The following U2AF2 variants were observed in gnomAD, a reference collection of about 807,000 sequenced individuals.
U2AF2 encodes the protein U2 small nuclear RNA auxiliary factor 2.
Under a neutral mutation model 52.6 loss-of-function variants are expected in U2AF2, and 6 were observed. The observed-to-expected ratio is 0.11, with a 90% CI of 0.06 to 0.23. U2AF2 has a LOEUF of 0.23. Among genes scored for constraint, U2AF2 ranks in the 10% least tolerant of loss-of-function variants. U2AF2 has a pLI of 1.00. For missense variants in U2AF2, 222 were observed against 677.1 expected, an observed-to-expected ratio of 0.33 and a Z score of 7.46; for synonymous variants, 284 against 258.2, an observed-to-expected ratio of 1.10 and a Z score of -0.96.
At chr19:55,656,325 G>A (rs187664660) in intron 1 of U2AF2, among the ~76,000 whole-genome samples, 589 of 152,324 alleles carry the variant, frequency 3.9e-3, no homozygotes, top group Middle Eastern at 6.8e-3. Context: ...CTAGAGTTGG[G>A]TAGGGGCTGT....
At chr19:55,661,311 C>T (rs964176536) in intron 5 of U2AF2, 122 bp downstream of exon 5, 8 of 1,137,580 alleles carry the variant, frequency 7.0e-6, no homozygotes, top group African/African-American at 4.8e-5. Flanking sequence ...CCCCCCGGCC[C>T]CCTCCCAGAC....
chr19:55,655,466 T>C (rs1483526220), intron 1 of U2AF2, among the ~76,000 whole-genome samples: 2 of 152,264 alleles, frequency 1.3e-5, no homozygotes, highest in African/African-American at 4.8e-5. Context: ...CGTGAACTTT[T>C]GTTTTTTAAA....
rs758476542 is a variant in U2AF2, at chr19:55,663,683, C to T, written c.681C>T (p.Arg227=). The change falls in exon 7 of 12, where the codon CGC becomes CGT. Residue 227 remains arginine, a synonymous_variant. Transcript: ENST00000308924. ...TCCAGGGCCAGTCACTAAAGATCCG[C>T]AGGCCTCACGACTACCAGCCGCTTC... is the stretch of plus-strand genomic sequence containing the variant. ...IIFQGQSLKI[R]RPHDYQPLPG... The T allele has an allele frequency of 1.2e-6, 2 of 1,614,180 alleles. No individual in the cohort carries two copies. Among genetic ancestry groups the T allele is most frequent in the Non-Finnish European group, 1.7e-6 (2 of 1,180,036 alleles).
In U2AF2 at chr19:55,674,500, C is replaced by T. The variant is rs572334661; in HGVS notation, c.*432C>T. Reference sequence around the variant, plus strand: ...GAATTTTGTTGTCCGGCCCTCAGTGCCCTGCCCTCTCCCTTACCAGGACCA... The same window carrying T: ...GAATTTTGTTGTCCGGCCCTCAGTGTCCTGCCCTCTCCCTTACCAGGACCA... On this transcript the variant is annotated 3_prime_UTR_variant, in exon 12 of 12. Coordinates refer to ENST00000308924, the MANE Select transcript of U2AF2 (RefSeq NM_007279.3). 568 of 165,104 alleles carry T rather than the reference C, an allele frequency of 3.4e-3. 6 individuals carry two copies. The highest frequency in any genetic ancestry group is 0.013 in the African/African-American group (545 of 41,754). The allele number at this position is 165,104 out of a possible 1,614,324, so 10.2% of individuals were successfully genotyped here.
intron 1 of U2AF2, among the ~76,000 whole-genome samples, chr19:55,658,299 GC>G (rs111842476): frequency 3.1e-3 from 193 of 62,906 alleles, no homozygotes; most frequent in African/African-American, 0.011. Flanking sequence ...GAACCCCCCC[GC>G]CCCCCCATGC....
At chr19:55,663,003 C>T (rs139467825) in intron 6 of U2AF2, among the ~76,000 whole-genome samples, 5 of 152,248 alleles carry the variant, frequency 3.3e-5, no homozygotes, top group African/African-American at 1.2e-4. Context: ...CCCCAGCTAA[C>T]TGATGTTCCT....
intron 7 of U2AF2, among the ~76,000 whole-genome samples, chr19:55,667,870 C>T (rs1984644280): frequency 1.3e-5 from 2 of 151,806 alleles, no homozygotes; most frequent in Admixed American, 6.6e-5. Context: ...ACTGCAACCT[C>T]CGCCTCCTGG....
chr19:55,665,347 C>T (rs561182103), intron 7 of U2AF2, among the ~76,000 whole-genome samples: 1 of 146,314 alleles, frequency 6.8e-6, no homozygotes, highest in East Asian at 2.0e-4. Flanking sequence ...CAGGGATTGG[C>T]GCTGTCCTAA....
chr19:55,655,203 G>A (rs756927652), intron 1 of U2AF2, 50 bp downstream of exon 1: 2 of 1,550,754 alleles, frequency 1.3e-6, no homozygotes, highest in Non-Finnish European at 1.7e-6. Flanking sequence ...TCCTCGCGTC[G>A]CTCTTTGCCC....
chr19:55,655,046 C>T lies in U2AF2; in HGVS notation c.-59C>T. ...CCAGCGGCGGAAGTAGCCGAAGCGG[C>T]TGGAGCGGGCGGCAAGGCGAGGCGA... On this transcript the variant is annotated 5_prime_UTR_variant, in exon 1 of 12. Transcript: ENST00000308924. The T allele has an allele frequency of 6.3e-7, 1 of 1,595,946 alleles. No individual in the cohort carries two copies. The highest frequency in any genetic ancestry group is 8.5e-7 in the Non-Finnish European group (1 of 1,172,796).
chr19:55,660,370 C>T, intron 3 of U2AF2, 146 bp from the exon 4 acceptor site: 1 of 1,098,076 alleles, frequency 9.1e-7, no homozygotes, highest in Non-Finnish European at 1.3e-6. Context: ...TTCCCAGGCC[C>T]TGCCCCAGAC....
At chr19:55,666,285 C>T (rs1411759009) in intron 7 of U2AF2, among the ~76,000 whole-genome samples, 2 of 152,222 alleles carry the variant, frequency 1.3e-5, no homozygotes, top group East Asian at 1.9e-4. Flanking sequence ...TGGGTCTTCC[C>T]CACACAGCCT....
chr19:55,663,797 G>T, intron 7 of U2AF2, 53 bp downstream of exon 7: 1 of 1,606,462 alleles, frequency 6.2e-7, no homozygotes, highest in Non-Finnish European at 8.5e-7. Context: ...TGTTCCCATG[G>T]CCTGTCCATC....
intron 6 of U2AF2, among the ~76,000 whole-genome samples, chr19:55,662,878 C>G (rs1042119212): frequency 2.6e-5 from 4 of 152,128 alleles, no homozygotes; most frequent in Non-Finnish European, 5.9e-5. Flanking sequence ...CCATTCCGGC[C>G]CAGTCCTCTC....
chr19:55,663,902 T>G, intron 7 of U2AF2, 158 bp downstream of exon 7: 1 of 1,089,188 alleles, frequency 9.2e-7, no homozygotes, highest in African/African-American at 1.6e-5. Flanking sequence ...GTGAGTGGGG[T>G]GCTCTCCTGC....
Position 55,668,656 on chromosome 19 carries a change from C to CT in U2AF2, c.823-13dup. ...CACCTCATCCCAGCCCTGATGGACT[C>CT]TCGGCTACTGCAGGTCAAAGAGCTG... On this transcript the variant is annotated splice_polypyrimidine_tract_variant and intron_variant, in intron 8 of 11. Transcript: ENST00000308924. This position sits in a 1 kb window ranked among gnomAD's most constrained non-coding sequence, Gnocchi z 5.5. The CT allele has an allele frequency of 1.9e-6, 3 of 1,605,172 alleles. No homozygotes were observed. The highest frequency in any genetic ancestry group is 2.6e-6 in the Non-Finnish European group (3 of 1,173,990).
rs889486921 is a variant in U2AF2, at chr19:55,655,091, G to A, written c.-14G>A. ...AGGCGAAAGCTGCACAGGGCCCTAC[G>A]CGGCCGCCTCAGCATGTCGGACTTC... On this transcript the variant is annotated 5_prime_UTR_variant, in exon 1 of 12. Coordinates refer to ENST00000308924, the MANE Select transcript of U2AF2 (RefSeq NM_007279.3). 3.7e-6 allele frequency: 6 copies of A among 1,605,964 alleles called. No individual in the cohort carries two copies. Among genetic ancestry groups the A allele is most frequent in the African/African-American group, 1.4e-5 (1 of 73,296 alleles).
Position 55,669,430 on chromosome 19 carries a change from C to A in U2AF2, c.1045-14C>A. 1 of 1,586,364 alleles carries A rather than the reference C, an allele frequency of 6.3e-7. No individual in the cohort carries two copies. The highest frequency in any genetic ancestry group is 8.6e-7 in the Non-Finnish European group (1 of 1,163,436). On this transcript the variant is annotated splice_polypyrimidine_tract_variant and intron_variant, in intron 10 of 11. Transcript: ENST00000308924. ...GGGCCCCCTGTGACGCCGCTGCCTC[C>A]CCTGGCCCCACAGAGCACCATCAAT...
At chr19:55,670,550 G>A (rs73615097) in intron 11 of U2AF2, 4 of 35,626 alleles carry the variant, frequency 1.1e-4, no homozygotes, top group Non-Finnish European at 1.8e-4. Flanking sequence ...CCTGCTGTCC[G>A]TGCAGCTGTT....
Sources: gnomAD v4.1 joint callset for allele counts (sites outside exome capture counted in the v4.1 genomes callset) on GRCh38, gnomAD v4.1.1 for gene constraint, Gnocchi (gnomAD v3.1) non-coding constraint, MANE v1.5 for transcripts, NCBI Gene and HGNC (gene_info 2026-07-23, HGNC 2026-07-21) for gene names.